The following SLC44A5 variants were observed in gnomAD, a reference collection of about 807,000 sequenced individuals.
SLC44A5 encodes the protein solute carrier family 44 member 5.
SLC44A5 carries 57 observed loss-of-function variants against 101.8 expected under a neutral mutation model. That is an observed-to-expected ratio of 0.56 (90% CI 0.45 to 0.70). The LOEUF (loss-of-function observed/expected upper bound fraction) is 0.70. SLC44A5 is among the 30% of genes least tolerant of loss of function. The pLI, the probability that SLC44A5 is intolerant of heterozygous loss-of-function variation, is 0.00. For missense variants in SLC44A5, 737 were observed against 853.1 expected, an observed-to-expected ratio of 0.86 and a Z score of 1.70; for synonymous variants, 281 against 290.9, an observed-to-expected ratio of 0.97 and a Z score of 0.35.
the SLC44A5 span, among the ~76,000 whole-genome samples, chr1:75,628,181 AAG>A: frequency 1.3e-5 from 2 of 152,036 alleles, no homozygotes; most frequent in South Asian, 2.1e-4. Context: ...TAGGATATGA[AAG>A]AAGTTTCCCT....
chr1:75,678,467 C>A, the SLC44A5 span, among the ~76,000 whole-genome samples: 1 of 151,940 alleles, frequency 6.6e-6, no homozygotes, highest in African/African-American at 2.4e-5. Context: ...GACACCCGAG[C>A]AGCCTAACTG....
intron 2 of SLC44A5, among the ~76,000 whole-genome samples, chr1:75,475,485 TTTA>T (rs1667332306): frequency 6.6e-6 from 1 of 152,222 alleles, no homozygotes; most frequent in Non-Finnish European, 1.5e-5. Flanking sequence ...CTTCCGATAT[TTTA>T]TTATTACTTG....
At chr1:75,615,063 A>G (rs1456568485), upstream of SLC44A5, among the ~76,000 whole-genome samples, 1 of 152,044 alleles carries the variant, frequency 6.6e-6, no homozygotes, top group African/African-American at 2.4e-5. Context: ...CCACGCCGCA[A>G]TGCCTCGTCA....
intron 2 of SLC44A5, among the ~76,000 whole-genome samples, chr1:75,520,427 C>A (rs1253916348): frequency 2.0e-5 from 3 of 152,162 alleles, no homozygotes; most frequent in African/African-American, 7.2e-5. Context: ...TGAAATTGTT[C>A]TTTGACAATT....
chr1:75,605,511 C>T (rs866069181), intron 1 of SLC44A5, among the ~76,000 whole-genome samples: 9 of 152,040 alleles, frequency 5.9e-5, no homozygotes, highest in Non-Finnish European at 1.2e-4. Flanking sequence ...CAGAGCTTAA[C>T]AAATCACCCT....
At chr1:75,681,557 A>G in the SLC44A5 span, among the ~76,000 whole-genome samples, 1 of 151,154 alleles carries the variant, frequency 6.6e-6, no homozygotes, top group African/African-American at 2.4e-5. Flanking sequence ...AAATTCAACA[A>G]CTCTTCATGC....
chr1:75,688,157 A>G, the SLC44A5 span, among the ~76,000 whole-genome samples: 1 of 152,214 alleles, frequency 6.6e-6, no homozygotes, highest in Non-Finnish European at 1.5e-5. Flanking sequence ...CTTTCCTGAC[A>G]GGAGGCTAAT....
At chr1:75,553,364 C>A (rs1180355222) in intron 1 of SLC44A5, among the ~76,000 whole-genome samples, 1 of 152,100 alleles carries the variant, frequency 6.6e-6, no homozygotes, top group East Asian at 1.9e-4. Context: ...CTGCCACAAC[C>A]ATTTTAATCA....
chr1:75,318,566 C>T (rs1333286969), intron 4 of SLC44A5, among the ~76,000 whole-genome samples: 1 of 152,082 alleles, frequency 6.6e-6, no homozygotes, highest in Non-Finnish European at 1.5e-5. Flanking sequence ...GATAAAAATG[C>T]AGTTCTATGA....
At chr1:75,435,247 GTTAACTGAAATATATATGTCAA>G (rs1254571821) in intron 2 of SLC44A5, among the ~76,000 whole-genome samples, 2 of 152,088 alleles carry the variant, frequency 1.3e-5, no homozygotes. Context: ...TAGAGTTTCA[GTTAACTGAAATATATATGTCAA>G]TTAACTGAAA....
At chr1:75,311,487 T>A (rs1450787623) in intron 4 of SLC44A5, 2 of 875,830 alleles carry the variant, frequency 2.3e-6, no homozygotes, top group Non-Finnish European at 2.7e-6. Flanking sequence ...CAGAGTGGTC[T>A]CAGTTCTCTT....
chr1:75,238,760 T>C (rs1305557224), intron 9 of SLC44A5, 124 bp from the exon 10 acceptor site: 1 of 545,202 alleles, frequency 1.8e-6, no homozygotes, highest in Non-Finnish European at 3.0e-6. Flanking sequence ...TTGCTCAATA[T>C]AGATAGCTCA....
chr1:75,490,000 A>C (rs937400647), intron 2 of SLC44A5, among the ~76,000 whole-genome samples: 3 of 152,130 alleles, frequency 2.0e-5, no homozygotes, highest in Admixed American at 1.3e-4. Flanking sequence ...TAAAATTCAC[A>C]CTAATTAGAA....
chr1:75,223,301 T>G (rs1288041517), intron 13 of SLC44A5, among the ~76,000 whole-genome samples: 1 of 152,210 alleles, frequency 6.6e-6, no homozygotes, highest in Non-Finnish European at 1.5e-5. Context: ...CCATCTGCTC[T>G]GTTCTCAGCC....
the SLC44A5 span, among the ~76,000 whole-genome samples, chr1:75,651,833 C>CCA: frequency 2.0e-5 from 3 of 151,658 alleles, no homozygotes; most frequent in East Asian, 1.9e-4. Context: ...AGGAGAGGCC[C>CCA]CACACACACA....
chr1:75,390,489 C>T (rs934835719), intron 3 of SLC44A5, among the ~76,000 whole-genome samples: 5 of 151,158 alleles, frequency 3.3e-5, no homozygotes, highest in African/African-American at 9.7e-5. Context: ...AAGATTTATT[C>T]CTGGGATGCA....
intron 1 of SLC44A5, among the ~76,000 whole-genome samples, chr1:75,585,387 A>G (rs1390731664): frequency 2.6e-5 from 4 of 152,242 alleles, no homozygotes; most frequent in African/African-American, 9.6e-5. Context: ...TTTATACTAT[A>G]TCAAAAACCA....
At position 75,460,076 on chromosome 1, in the gene SLC44A5, A is replaced by G. The variant is rs929713144; in HGVS notation, c.14-63455T>C. Among the ~76,000 whole-genome samples the G allele has an allele frequency of 3.3e-5, 5 of 152,202 alleles. No individual in the cohort carries two copies. The East Asian group carries it at 7.7e-4, about 23-fold the overall frequency. ...GGCGACTATATTAAAATTAATGGCTATATACACATCGAACATAAACTATAC... is the reference window on the plus strand; with the variant it reads ...GGCGACTATATTAAAATTAATGGCTGTATACACATCGAACATAAACTATAC... On this transcript the variant is annotated intron_variant, in intron 2 of 23. Coordinates refer to ENST00000370859, the MANE Select transcript of SLC44A5 (RefSeq NM_001130058.2).
the SLC44A5 span, among the ~76,000 whole-genome samples, chr1:75,666,474 G>A: frequency 2.0e-5 from 3 of 152,048 alleles, no homozygotes; most frequent in South Asian, 6.2e-4. Context: ...AAAAGTCCAG[G>A]ACCAGATGGA....
Sources: gnomAD v4.1 joint callset for allele counts (sites outside exome capture counted in the v4.1 genomes callset) on GRCh38, gnomAD v4.1.1 for gene constraint, MANE v1.5 for transcripts, NCBI Gene and HGNC (gene_info 2026-07-23, HGNC 2026-07-21) for gene names.